TBL1XR1: variants seen among roughly 807,000 people sequenced by gnomAD.
TBL1XR1 encodes the protein TBL1X/Y related 1.
TBL1XR1 carries 5 observed loss-of-function variants against 66.9 expected under a neutral mutation model. The observed-to-expected ratio is 0.07, with a 90% CI of 0.04 to 0.16. TBL1XR1 has a LOEUF of 0.16. Ranked by LOEUF, TBL1XR1 falls within the 10% of genes least tolerant of loss-of-function variation. TBL1XR1 has a pLI of 1.00. For missense variants in TBL1XR1, 238 were observed against 623.2 expected, an observed-to-expected ratio of 0.38 and a Z score of 6.58; for synonymous variants, 210 against 206.0, an observed-to-expected ratio of 1.02 and a Z score of -0.17.
chr3:177,079,819 A>G (rs1721176625), intron 2 of TBL1XR1: 1 of 151,862 alleles, frequency 6.6e-6, no homozygotes, highest in Non-Finnish European at 1.5e-5. Flanking sequence ...AAAAAAAAAA[A>G]AGCTCACCCT....
rs1440361376 is a variant in TBL1XR1, at chr3:177,019,661, G to C, written c.*5837C>G. On this transcript the variant is annotated 3_prime_UTR_variant, in exon 16 of 16. Transcript: ENST00000457928. Reference sequence around the variant, plus strand: ...TCTGATCTGCTACGGATTATACTAGGTAATAAATCTAATCCATTGTAAAGT... The same window carrying C: ...TCTGATCTGCTACGGATTATACTAGCTAATAAATCTAATCCATTGTAAAGT... The C allele has an allele frequency of 6.6e-6, 1 of 151,958 alleles. No individual in the cohort carries two copies. Among genetic ancestry groups the C allele is most frequent in the Non-Finnish European group, 1.5e-5 (1 of 67,980 alleles). 9.4% of individuals were successfully genotyped at this position (151,958 alleles called of 1,614,324 possible).
At chr3:177,195,793 GTTTA>G (rs1215127259) in intron 1 of TBL1XR1, 1 of 152,156 alleles carries the variant, frequency 6.6e-6, no homozygotes, top group African/African-American at 2.4e-5. Context: ...TAACAAGCTT[GTTTA>G]GATCAGCATA....
intron 1 of TBL1XR1, among the ~76,000 whole-genome samples, chr3:177,114,305 T>A (rs1726024482): frequency 2.0e-5 from 3 of 150,982 alleles, no homozygotes; most frequent in Admixed American, 1.3e-4. Context: ...TACATATATA[T>A]GATATATGAT....
Position 177,053,827 on chromosome 3 carries a change from A to T in TBL1XR1, c.150T>A (p.Ile50=), listed in dbSNP as rs1025942647. 15 of 1,613,496 alleles carry T rather than the reference A, an allele frequency of 9.3e-6. No individual in the cohort carries two copies. Among genetic ancestry groups the T allele is most frequent in the Non-Finnish European group, 1.2e-5 (14 of 1,179,860 alleles). The part of the protein sequence containing the change: ...NGALVPPAAL[I]SIIQKGLQYV... ...ACTGTAGACCTTTCTGGATGATAGA[A>T]ATCAATGCAGCGGGTGGGACGAGGG... The change falls in exon 4 of 16, where the codon ATT becomes ATA. Residue 50 remains isoleucine, a synonymous_variant. Coordinates refer to ENST00000457928, the MANE Select transcript of TBL1XR1 (RefSeq NM_024665.7).
intron 2 of TBL1XR1, among the ~76,000 whole-genome samples, chr3:177,074,720 T>C (rs928670559): frequency 1.3e-5 from 2 of 152,188 alleles, no homozygotes; most frequent in Admixed American, 1.3e-4. Flanking sequence ...TAAAGCCAGG[T>C]AGGTGACAGG....
chr3:177,069,813 G>GAAGGA (rs1560139110), intron 2 of TBL1XR1, among the ~76,000 whole-genome samples: 18 of 131,820 alleles, frequency 1.4e-4, no homozygotes, highest in African/African-American at 4.5e-4. Flanking sequence ...AGGAAGGAAG[G>GAAGGA]AAGGAAGGAA....
chr3:177,050,289 A>T (rs1716881539), intron 6 of TBL1XR1, among the ~76,000 whole-genome samples, 151 bp from the exon 7 acceptor site: 1 of 152,092 alleles, frequency 6.6e-6, no homozygotes, highest in Admixed American at 6.5e-5. Flanking sequence ...ACACGTTGGG[A>T]CCCCCAAGCA....
At chr3:177,141,089 T>C (rs1269155820) in intron 1 of TBL1XR1, among the ~76,000 whole-genome samples, 1 of 152,220 alleles carries the variant, frequency 6.6e-6, no homozygotes, top group Non-Finnish European at 1.5e-5. Flanking sequence ...ACTAATTTTC[T>C]CAAAGCTTTC....
intron 1 of TBL1XR1, among the ~76,000 whole-genome samples, chr3:177,157,089 G>A (rs945024226): frequency 3.9e-5 from 6 of 152,228 alleles, no homozygotes; most frequent in Non-Finnish European, 7.4e-5. Flanking sequence ...TCTCACACCT[G>A]TAATCCCACT....
At chr3:177,098,066 G>A (rs1049613035) in intron 2 of TBL1XR1, among the ~76,000 whole-genome samples, 103 of 152,086 alleles carry the variant, frequency 6.8e-4, no homozygotes, top group African/African-American at 2.4e-3. Context: ...AAAATTAGCT[G>A]GGCGTGGTGG....
chr3:177,117,722 T>A (rs975746746), intron 1 of TBL1XR1, among the ~76,000 whole-genome samples: 3 of 152,222 alleles, frequency 2.0e-5, no homozygotes, highest in Non-Finnish European at 4.4e-5. Context: ...ATCTTCTAAT[T>A]TGAAAGAATT....
intron 1 of TBL1XR1, among the ~76,000 whole-genome samples, chr3:177,112,886 G>A (rs905433963): frequency 1.2e-4 from 18 of 151,792 alleles, no homozygotes; most frequent in Non-Finnish European, 1.3e-4. Context: ...GCCTGGAGTC[G>A]CAGCTACTCG....
intron 2 of TBL1XR1, chr3:177,079,831 T>C (rs957334456): frequency 4.0e-5 from 6 of 151,008 alleles, no homozygotes; most frequent in African/African-American, 7.3e-5. Flanking sequence ...GCTCACCCTG[T>C]ATGTGATGTT....
At chr3:177,058,251 C>CT (rs1718059302) in intron 3 of TBL1XR1, among the ~76,000 whole-genome samples, 1 of 152,154 alleles carries the variant, frequency 6.6e-6, no homozygotes, top group African/African-American at 2.4e-5. Flanking sequence ...AAATTATACT[C>CT]ATGTTCTCAT....
intron 2 of TBL1XR1, among the ~76,000 whole-genome samples, chr3:177,069,798 A>AAGGAAGGAAGGAAGGAAGGG (rs1719693399): frequency 1.5e-5 from 1 of 65,050 alleles, no homozygotes; most frequent in Admixed American, 1.5e-4. Flanking sequence ...GAAGGAAAGG[A>AAGGAAGGAAGGAAGGAAGGG]AGGAAGGAAG....
chr3:177,156,447 C>T (rs1731514197), intron 1 of TBL1XR1, among the ~76,000 whole-genome samples: 1 of 149,526 alleles, frequency 6.7e-6, no homozygotes, highest in African/African-American at 2.5e-5. Context: ...TGCAGTGAGC[C>T]AAGAACACGC....
intron 1 of TBL1XR1, among the ~76,000 whole-genome samples, chr3:177,125,487 G>A (rs150022108): frequency 5.3e-5 from 8 of 152,288 alleles, no homozygotes; most frequent in African/African-American, 1.4e-4. Context: ...CAGTCTGGCC[G>A]TTCCTCAATT....
At chr3:177,101,046 G>T (rs1329797234) in intron 1 of TBL1XR1, among the ~76,000 whole-genome samples, 1 of 151,998 alleles carries the variant, frequency 6.6e-6, no homozygotes, top group Non-Finnish European at 1.5e-5. Context: ...AGTAGAGACG[G>T]GGGTCTCTCC....
At chr3:177,102,583 G>A (rs1209982122) in intron 1 of TBL1XR1, among the ~76,000 whole-genome samples, 1 of 152,134 alleles carries the variant, frequency 6.6e-6, no homozygotes, top group Non-Finnish European at 1.5e-5. Context: ...TGAAACTATT[G>A]AAACTATTTG....
Sources: gnomAD v4.1 joint callset for allele counts (sites outside exome capture counted in the v4.1 genomes callset) on GRCh38, gnomAD v4.1.1 for gene constraint, MANE v1.5 for transcripts, NCBI Gene and HGNC (gene_info 2026-07-23, HGNC 2026-07-21) for gene names.